Variants in TPRG1 observed in about 807,000 individuals in gnomAD.
The protein encoded by TPRG1 is tumor protein p63 regulated 1.
Under a neutral mutation model 29.3 loss-of-function variants are expected in TPRG1, and 29 were observed. That is an observed-to-expected ratio of 0.99 (90% confidence interval 0.74 to 1.35). The LOEUF is 1.35. Ranked by LOEUF, TPRG1 falls within the 40% of genes most tolerant of loss-of-function variation. TPRG1 has a pLI of 0.00. For missense variants in TPRG1, 327 were observed against 335.0 expected, an observed-to-expected ratio of 0.98 and a Z score of 0.19; for synonymous variants, 130 against 116.8, an observed-to-expected ratio of 1.11 and a Z score of -0.73.
chr3:189,169,279 C>T (rs1054031762), upstream of TPRG1, among the ~76,000 whole-genome samples: 1 of 152,216 alleles, frequency 6.6e-6, no homozygotes, highest in Non-Finnish European at 1.5e-5. Flanking sequence ...ATTCTCCTGC[C>T]TCAGCCTCCC....
At chr3:189,304,877 G>A (rs749058454) in intron 4 of TPRG1, among the ~76,000 whole-genome samples, 6 of 152,046 alleles carry the variant, frequency 3.9e-5, no homozygotes, top group Admixed American at 1.3e-4. Context: ...CCCATCGCCC[G>A]CCCGCCTCCT....
At chr3:189,090,356 A>G (rs1268983562) in intron 4 of TPRG1, among the ~76,000 whole-genome samples, 2 of 152,108 alleles carry the variant, frequency 1.3e-5, no homozygotes, top group Non-Finnish European at 2.9e-5. Context: ...TCTCTGATCT[A>G]TACGTAATTT....
intron 4 of TPRG1, among the ~76,000 whole-genome samples, chr3:189,300,764 C>T (rs1720700394): frequency 6.6e-6 from 1 of 152,136 alleles, no homozygotes; most frequent in Non-Finnish European, 1.5e-5. Context: ...CAACTTCTGC[C>T]AGCAATGCCA....
chr3:189,174,201 C>CAGCCACAG (rs1311109042), intron 1 of TPRG1, among the ~76,000 whole-genome samples: 1 of 152,206 alleles, frequency 6.6e-6, no homozygotes, highest in African/African-American at 2.4e-5. Flanking sequence ...TGCAGAGCAG[C>CAGCCACAG]AGCCACAGGT....
intron 4 of TPRG1, among the ~76,000 whole-genome samples, chr3:189,245,945 G>A (rs1455720669): frequency 6.6e-6 from 1 of 151,920 alleles, no homozygotes; most frequent in Non-Finnish European, 1.5e-5. Context: ...ATGTTATAAA[G>A]TTTATTTTAA....
At chr3:189,131,203 T>A (rs1206499778) in intron 2 of TPRG1, among the ~76,000 whole-genome samples, 1 of 152,204 alleles carries the variant, frequency 6.6e-6, no homozygotes, top group East Asian at 1.9e-4. Flanking sequence ...AGATTCCAAC[T>A]TGGGCTTCAG....
intron 4 of TPRG1, among the ~76,000 whole-genome samples, chr3:189,066,505 G>A (rs937874527): frequency 1.3e-5 from 2 of 151,970 alleles, no homozygotes; most frequent in African/African-American, 4.8e-5. Context: ...ATGCAAGGAT[G>A]CTCCAAAAAA....
intron 1 of TPRG1, among the ~76,000 whole-genome samples, chr3:189,110,108 T>G (rs180938302): frequency 5.4e-4 from 82 of 152,314 alleles, no homozygotes; most frequent in Admixed American, 4.4e-3. Flanking sequence ...GAATATAGGT[T>G]TTCATTTAAC....
intron 4 of TPRG1, among the ~76,000 whole-genome samples, chr3:189,042,907 C>G (rs994749372): frequency 6.6e-6 from 1 of 152,138 alleles, no homozygotes; most frequent in African/African-American, 2.4e-5. Flanking sequence ...CAAGGAAACC[C>G]TGGTCTCAAC....
intron 3 of TPRG1, among the ~76,000 whole-genome samples, chr3:189,012,920 T>G (rs1035389371): frequency 6.6e-6 from 1 of 152,188 alleles, no homozygotes; most frequent in Non-Finnish European, 1.5e-5. Context: ...GTCTATTTTA[T>G]TAATTTTTCA....
At chr3:189,019,700 G>T (rs111788177) in intron 3 of TPRG1, among the ~76,000 whole-genome samples, 2 of 151,412 alleles carry the variant, frequency 1.3e-5, no homozygotes, top group Admixed American at 6.6e-5. Context: ...TCTCTTTTTT[G>T]GTTGTGTCTC....
At chr3:189,315,137 T>C (rs1723278749) in intron 5 of TPRG1, among the ~76,000 whole-genome samples, 1 of 151,966 alleles carries the variant, frequency 6.6e-6, no homozygotes, top group Non-Finnish European at 1.5e-5. Context: ...CCAACCTAGA[T>C]GACAGAGCAA....
At chr3:189,137,408 C>A (rs531420431) in intron 3 of TPRG1, among the ~76,000 whole-genome samples, 16 of 149,404 alleles carry the variant, frequency 1.1e-4, no homozygotes, top group Non-Finnish European at 1.8e-4. Flanking sequence ...CACTTGAAAA[C>A]AGAACAAAAC....
At chr3:189,106,094 T>C (rs1489209555) in intron 1 of TPRG1, among the ~76,000 whole-genome samples, 1 of 152,026 alleles carries the variant, frequency 6.6e-6, no homozygotes. Context: ...ACAAAGACAC[T>C]GTTCTACCAG....
chr3:189,069,753 C>T (rs1716693422), intron 4 of TPRG1, among the ~76,000 whole-genome samples: 1 of 152,166 alleles, frequency 6.6e-6, no homozygotes, highest in African/African-American at 2.4e-5. Context: ...TGTGCTTCAA[C>T]AGGTAAGTAG....
chr3:189,214,972 A>AT (rs1241294770), intron 2 of TPRG1, among the ~76,000 whole-genome samples: 3,620 of 141,556 alleles, frequency 0.026, 120 homozygotes, highest in South Asian at 0.058. Flanking sequence ...AAAAATGTAC[A>AT]GATTCCTAAA....
chr3:189,035,798 G>T (rs546542758), intron 4 of TPRG1, among the ~76,000 whole-genome samples: 33 of 152,114 alleles, frequency 2.2e-4, no homozygotes, highest in African/African-American at 7.9e-4. Flanking sequence ...GCAGAGAAAA[G>T]GAAACACTTA....
chr3:189,282,387 T>A (rs1166755771), intron 4 of TPRG1, among the ~76,000 whole-genome samples: 2 of 152,102 alleles, frequency 1.3e-5, no homozygotes, highest in Non-Finnish European at 2.9e-5. Flanking sequence ...TACATACTCT[T>A]CTAACACCTG....
intron 1 of TPRG1, among the ~76,000 whole-genome samples, chr3:189,198,418 C>G (rs1008534236): frequency 1.3e-5 from 2 of 152,208 alleles, no homozygotes; most frequent in Non-Finnish European, 2.9e-5. Flanking sequence ...AGACTATGAG[C>G]TTCTATAGAT....
Sources: allele counts gnomAD v4.1 joint callset (sites outside exome capture counted in the v4.1 genomes callset), GRCh38; gene constraint gnomAD v4.1.1; transcripts MANE v1.5; gene names NCBI Gene and HGNC (gene_info 2026-07-23, HGNC 2026-07-21).